The following SYCE1L variants were observed in gnomAD, a reference collection of about 807,000 sequenced individuals.
SYCE1L encodes the protein synaptonemal complex central element protein 1-like.
SYCE1L carries 51 observed loss-of-function variants against 39.6 expected under a neutral mutation model. That is an observed-to-expected ratio of 1.29 (90% confidence interval 1.03 to 1.63). The LOEUF (loss-of-function observed/expected upper bound fraction) is 1.63. SYCE1L is among the 40% of genes most tolerant of loss of function. SYCE1L has a pLI of 0.00. For missense variants in SYCE1L, 426 were observed against 304.9 expected, an observed-to-expected ratio of 1.40 and a Z score of -2.96; for synonymous variants, 147 against 122.4, an observed-to-expected ratio of 1.20 and a Z score of -1.33.
chr16:77,209,124 A>G lies in SYCE1L; in HGVS notation c.284A>G (p.Glu95Gly), dbSNP rs1567426841. 1 of 1,551,638 alleles carries G rather than the reference A, an allele frequency of 6.4e-7. No individual in the cohort carries two copies. Among genetic ancestry groups the G allele is most frequent in the Non-Finnish European group, 8.7e-7 (1 of 1,146,976 alleles). The change falls in exon 5 of 11, where the codon GAG (glutamate) becomes GGG (glycine). Residue 95 changes from glutamate (E) to glycine (G), a missense_variant. Coordinates refer to ENST00000378644, the MANE Select transcript of SYCE1L (RefSeq NM_001129979.3). ...SLNGEKVHLE[E>G]VLGKKQEALR... ...AATGGAGAGAAAGTGCACCTAGAGG[A>G]GGTCTTGGGCAAAAAGCAAGGTATT...
rs1174931846 is a variant in SYCE1L at position 77,212,647 on chromosome 16, G to A, written c.654+1G>A. On this transcript the variant is annotated splice_donor_variant, in intron 10 of 10. Transcript: ENST00000378644. LOFTEE classifies it high-confidence loss of function. ...CGAGGTCGGGGCCGGCGAGGGAGAG[G>A]TAGGGAGCCCGAGGAAGGGAGGCGG... The A allele has an allele frequency of 4.6e-6, 7 of 1,533,624 alleles. No individual in the cohort carries two copies. Among genetic ancestry groups the A allele is most frequent in the South Asian group, 1.2e-5 (1 of 83,850 alleles).
intron 1 of SYCE1L, among the ~76,000 whole-genome samples, chr16:77,205,385 T>G (rs2054778827): frequency 6.6e-6 from 1 of 150,590 alleles, no homozygotes; most frequent in African/African-American, 2.4e-5. Context: ...TTTTCTTCTT[T>G]GAATTTTAGA....
intron 6 of SYCE1L, 102 bp downstream of exon 6, chr16:77,209,573 A>G (rs964451409): frequency 1.5e-6 from 2 of 1,292,940 alleles, no homozygotes; most frequent in African/African-American, 3.0e-5. Flanking sequence ...GCCTCATTTT[A>G]CCTTTCTATA....
At chr16:77,212,785 G>A in intron 10 of SYCE1L, 72 bp from the exon 11 acceptor site, 1 of 1,427,910 alleles carries the variant, frequency 7.0e-7, no homozygotes, top group Non-Finnish European at 9.2e-7. Context: ...CCGCGGTGGA[G>A]GCCTAGGGCA....
Position 77,212,663 on chromosome 16 carries a change from A to G in SYCE1L, c.654+17A>G. 1.3e-6 allele frequency: 2 copies of G among 1,529,392 alleles called. No individual in the cohort carries two copies. The highest frequency in any genetic ancestry group is 1.7e-6 in the Non-Finnish European group (2 of 1,143,936). 94.7% of individuals were successfully genotyped at this position (1,529,392 alleles called of 1,614,324 possible). On this transcript the variant is annotated intron_variant, in intron 10 of 10. Transcript: ENST00000378644. ...GAGGGAGAGGTAGGGAGCCCGAGGA[A>G]GGGAGGCGGGGCGGGCAGGGACCGA...
intron 1 of SYCE1L, among the ~76,000 whole-genome samples, chr16:77,204,816 G>C (rs952661550): frequency 6.6e-6 from 1 of 152,014 alleles, no homozygotes; most frequent in East Asian, 1.9e-4. Flanking sequence ...AGGCTGAGGC[G>C]GGAGGGTTGC....
chr16:77,208,337 C>A (rs1045820465), intron 3 of SYCE1L, 68 bp downstream of exon 3: 53 of 1,535,580 alleles, frequency 3.5e-5, no homozygotes, highest in Middle Eastern at 3.4e-4. Context: ...AATGAATCCA[C>A]CTCCTCATCT....
At chr16:77,207,863 C>T (rs896493802) in intron 2 of SYCE1L, among the ~76,000 whole-genome samples, 1 of 152,148 alleles carries the variant, frequency 6.6e-6, no homozygotes, top group Admixed American at 6.5e-5. Flanking sequence ...CCCCTCCATA[C>T]TCTTTACCCC....
At chr16:77,201,673 C>G (rs2054744677) in intron 1 of SYCE1L, 1 of 152,018 alleles carries the variant, frequency 6.6e-6, no homozygotes, top group South Asian at 2.1e-4. Flanking sequence ...GTAGGCACAA[C>G]ACAAGAAGTA....
intron 6 of SYCE1L, among the ~76,000 whole-genome samples, chr16:77,209,751 T>C (rs537168965): frequency 7.9e-5 from 12 of 152,356 alleles, no homozygotes; most frequent in Middle Eastern, 3.4e-3. Flanking sequence ...GCTCCTTTGA[T>C]ATCCATTCAC....
At chr16:77,212,515 C>T (rs2054831863) in intron 9 of SYCE1L, 59 bp from the exon 10 acceptor site, 3 of 1,538,140 alleles carry the variant, frequency 2.0e-6, no homozygotes, top group Middle Eastern at 1.7e-4. Context: ...CGGTGGCTTC[C>T]TCCTCGTCCC....
intron 9 of SYCE1L, 83 bp from the exon 10 acceptor site, chr16:77,212,491 G>T: frequency 6.5e-7 from 1 of 1,539,000 alleles, no homozygotes; most frequent in Non-Finnish European, 8.7e-7. Context: ...CGGCGTCGTC[G>T]GGTCTCCGCG....
chr16:77,206,778 T>C (rs1032096298), intron 2 of SYCE1L, among the ~76,000 whole-genome samples: 2 of 152,148 alleles, frequency 1.3e-5, no homozygotes, highest in African/African-American at 4.8e-5. Context: ...GCTATTGTTT[T>C]TCAATTCTTA....
chr16:77,208,438 C>G, intron 3 of SYCE1L, 27 bp from the exon 4 acceptor site: 8 of 1,551,116 alleles, frequency 5.2e-6, no homozygotes, highest in Non-Finnish European at 7.0e-6. Context: ...TACACTCATA[C>G]AGTGTCTTTT....
intron 4 of SYCE1L, 144 bp downstream of exon 4, chr16:77,208,683 C>A: frequency 1.2e-6 from 1 of 826,842 alleles, no homozygotes; most frequent in Non-Finnish European, 1.9e-6. Flanking sequence ...TGTCATCTTT[C>A]AGCTCTCAGC....
chr16:77,208,555 A>G lies in SYCE1L; in HGVS notation c.256+16A>G, dbSNP rs2054801831. ...TTAGACTCCTGTAAGTGGGGCCAAA[A>G]GAGGGACCCATCAACACTGCAGATG... On this transcript the variant is annotated intron_variant, in intron 4 of 10. Coordinates refer to ENST00000378644, the MANE Select transcript of SYCE1L (RefSeq NM_001129979.3). 1 of 1,551,380 alleles carries G rather than the reference A, an allele frequency of 6.4e-7. No individual in the cohort carries two copies. Among genetic ancestry groups the G allele is most frequent in the Non-Finnish European group, 8.7e-7 (1 of 1,146,736 alleles).
At chr16:77,208,397 A>G (rs1364461531) in intron 3 of SYCE1L, 68 bp from the exon 4 acceptor site, 5 of 1,546,604 alleles carry the variant, frequency 3.2e-6, no homozygotes, top group African/African-American at 1.4e-5. Flanking sequence ...GTGCAATGTC[A>G]TATTTGCGAG....
chr16:77,208,147 T>A, intron 2 of SYCE1L, 63 bp from the exon 3 acceptor site: 1 of 1,481,278 alleles, frequency 6.8e-7, no homozygotes, highest in Non-Finnish European at 9.1e-7. Flanking sequence ...TGCTTCTCCG[T>A]CTGCCTTGGA....
intron 2 of SYCE1L, among the ~76,000 whole-genome samples, chr16:77,207,709 T>A (rs1002235731): frequency 2.0e-5 from 3 of 152,162 alleles, no homozygotes; most frequent in African/African-American, 7.2e-5. Flanking sequence ...CCTTACTTTC[T>A]GCTACTCTCC....
Sources: allele counts gnomAD v4.1 joint callset (sites outside exome capture counted in the v4.1 genomes callset), GRCh38; gene constraint gnomAD v4.1.1; transcripts MANE v1.5; gene names NCBI Gene and HGNC (gene_info 2026-07-23, HGNC 2026-07-21).